Variants in TTC28 observed in about 807,000 individuals in gnomAD.
TTC28 encodes the protein tetratricopeptide repeat protein 28.
Under a neutral mutation model 198.0 loss-of-function variants are expected in TTC28, and 61 were observed. The observed-to-expected ratio is 0.31, with a 90% CI of 0.25 to 0.38. The LOEUF is 0.38. Ranked by LOEUF, TTC28 falls within the 10% of genes least tolerant of loss-of-function variation. The pLI is 1.00. For synonymous variants in TTC28, 1,171 were observed against 1,297.8 expected (o/e 0.90, Z 2.10); for missense variants, 2,678 against 3,164.0 (o/e 0.85, Z 3.69).
chr22:27,999,367 T>A, intron 15 of TTC28, 107 bp from the exon 16 acceptor site: 1 of 1,414,826 alleles, frequency 7.1e-7, no homozygotes, highest in Non-Finnish European at 9.3e-7. Flanking sequence ...TGGTTGAGCT[T>A]GAATCCACCT....
intron 2 of TTC28, among the ~76,000 whole-genome samples, chr22:28,385,612 A>G (rs1167000219): frequency 6.6e-6 from 1 of 151,976 alleles, no homozygotes; most frequent in Non-Finnish European, 1.5e-5. Context: ...TAGTAGAAGT[A>G]TAAGTAATAG....
chr22:28,588,803 T>C (rs1249893251), intron 2 of TTC28, among the ~76,000 whole-genome samples: 2 of 152,198 alleles, frequency 1.3e-5, no homozygotes, highest in African/African-American at 4.8e-5. Flanking sequence ...CGAGTACTAC[T>C]TTGCTGGTTA....
At chr22:28,233,112 A>C (rs1313508729) in intron 5 of TTC28, among the ~76,000 whole-genome samples, 1 of 152,196 alleles carries the variant, frequency 6.6e-6, no homozygotes, top group Non-Finnish European at 1.5e-5. Context: ...CAAAAAAAAA[A>C]AAATCCATTT....
chr22:28,169,042 C>T (rs1351639341), intron 5 of TTC28, among the ~76,000 whole-genome samples: 5 of 152,204 alleles, frequency 3.3e-5, no homozygotes, highest in African/African-American at 1.2e-4. Flanking sequence ...CAAAAGAAGA[C>T]ATTTATGCAG....
chr22:28,409,928 G>T (rs2047056811), intron 2 of TTC28, among the ~76,000 whole-genome samples: 1 of 146,812 alleles, frequency 6.8e-6, no homozygotes, highest in Non-Finnish European at 1.5e-5. Flanking sequence ...AGTGCTAAGT[G>T]TTTTTTTTTT....
At chr22:28,006,334 A>G (rs1201457292) in intron 14 of TTC28, among the ~76,000 whole-genome samples, 3 of 152,226 alleles carry the variant, frequency 2.0e-5, no homozygotes, top group African/African-American at 7.2e-5. Context: ...TAAAGCATCT[A>G]GCCCCATGCC....
At chr22:28,164,102 C>T (rs1921585370) in intron 5 of TTC28, among the ~76,000 whole-genome samples, 3 of 152,166 alleles carry the variant, frequency 2.0e-5, no homozygotes, top group South Asian at 2.1e-4. Flanking sequence ...GGGGGAGGGG[C>T]GCCCATCATT....
At chr22:28,316,072 G>A (rs957651063) in intron 2 of TTC28, among the ~76,000 whole-genome samples, 9 of 152,282 alleles carry the variant, frequency 5.9e-5, no homozygotes, top group African/African-American at 1.9e-4. Context: ...TGGGCCCTAA[G>A]CTTGAGTTAC....
At chr22:28,018,275 GTGTA>G (rs1431986324) in intron 13 of TTC28, among the ~76,000 whole-genome samples, 3 of 129,750 alleles carry the variant, frequency 2.3e-5, no homozygotes, top group East Asian at 2.5e-4. Context: ...GTGTGTGTGT[GTGTA>G]TGTGTGTGCG....
At chr22:28,437,852 A>G (rs983817374) in intron 2 of TTC28, among the ~76,000 whole-genome samples, 2 of 152,054 alleles carry the variant, frequency 1.3e-5, no homozygotes, top group African/African-American at 4.8e-5. Flanking sequence ...TTAGAGGGGG[A>G]AAAAAGAGGC....
chr22:28,641,919 A>T (rs1239946834), intron 1 of TTC28, among the ~76,000 whole-genome samples: 5 of 152,296 alleles, frequency 3.3e-5, no homozygotes, highest in Admixed American at 2.0e-4. Context: ...GTTCTCTAAG[A>T]AAGTATTTCC....
chr22:28,141,128 G>A (rs896281691), intron 6 of TTC28, among the ~76,000 whole-genome samples: 2 of 152,118 alleles, frequency 1.3e-5, no homozygotes, highest in Admixed American at 1.3e-4. Flanking sequence ...ACTCAGAGGC[G>A]CTCAATCTCT....
intron 2 of TTC28, among the ~76,000 whole-genome samples, chr22:28,530,071 GAGA>G (rs1323569751): frequency 6.6e-6 from 1 of 152,220 alleles, no homozygotes; most frequent in Non-Finnish European, 1.5e-5. Flanking sequence ...CGACGGTTGA[GAGA>G]AGAAGGCTTC....
chr22:28,123,057 G>A (rs1459629449), intron 6 of TTC28, among the ~76,000 whole-genome samples: 2 of 152,162 alleles, frequency 1.3e-5, no homozygotes, highest in East Asian at 3.8e-4. Context: ...GGCAGCCAAC[G>A]GGAAGAGCAG....
At chr22:28,034,953 A>C (rs1449839214) in intron 12 of TTC28, among the ~76,000 whole-genome samples, 1 of 152,320 alleles carries the variant, frequency 6.6e-6, no homozygotes, top group South Asian at 2.1e-4. Flanking sequence ...AGAGATGGAA[A>C]TGGCTCATGA....
At chr22:27,985,195 C>A in intron 22 of TTC28, 54 bp downstream of exon 22, 1 of 1,358,734 alleles carries the variant, frequency 7.4e-7, no homozygotes, top group South Asian at 1.3e-5. Flanking sequence ...TGTCGGCCCC[C>A]AGGGAGAGCA....
intron 2 of TTC28, among the ~76,000 whole-genome samples, chr22:28,308,013 A>G (rs1445228278): frequency 6.6e-6 from 1 of 152,208 alleles, no homozygotes; most frequent in Non-Finnish European, 1.5e-5. Context: ...GTAATTTAAG[A>G]GAGGCAACAC....
intron 12 of TTC28, among the ~76,000 whole-genome samples, chr22:28,065,611 T>C (rs1490130533): frequency 6.6e-6 from 1 of 152,214 alleles, no homozygotes; most frequent in African/African-American, 2.4e-5. Flanking sequence ...GCTGCTGCAA[T>C]ACTTAACACA....
At chr22:28,247,023 C>T (rs967197383) in intron 5 of TTC28, among the ~76,000 whole-genome samples, 23 of 152,154 alleles carry the variant, frequency 1.5e-4, no homozygotes, top group Admixed American at 1.2e-3. Context: ...TACCTGAGGG[C>T]AAGATCTGTC....
Sources: gnomAD v4.1 joint callset for allele counts (sites outside exome capture counted in the v4.1 genomes callset) on GRCh38, gnomAD v4.1.1 for gene constraint, MANE v1.5 for transcripts, NCBI Gene and HGNC (gene_info 2026-07-23, HGNC 2026-07-21) for gene names.